Variants in JUP observed in about 807,000 individuals in gnomAD.
JUP encodes the protein junction plakoglobin.
A neutral mutation model predicts 71.1 loss-of-function variants in JUP; 28 were observed. The ratio of observed to expected loss-of-function variants is 0.39; its 90% CI spans 0.29 to 0.54. The LOEUF is 0.54. JUP is among the 20% of genes least tolerant of loss of function. JUP has a pLI of 0.62. For synonymous variants in JUP, 401 were observed against 438.9 expected (o/e 0.91, Z 1.08); for missense variants, 869 against 1,030.1 (o/e 0.84, Z 2.14).
intron 2 of JUP, among the ~76,000 whole-genome samples, chr17:41,771,167 C>T (rs1331887899): frequency 6.6e-6 from 1 of 152,144 alleles, no homozygotes; most frequent in Admixed American, 6.5e-5. Context: ...GTAGCTGGGA[C>T]TACAGGTGCA....
intron 1 of JUP, chr17:41,772,252 C>A (rs1916787507): frequency 2.9e-6 from 1 of 348,246 alleles, no homozygotes; most frequent in East Asian, 7.2e-5. Context: ...CTTCTAGCAG[C>A]TTCTGAGGTC....
chr17:41,771,908 C>A (rs1046475463), intron 1 of JUP, 46 bp from the exon 2 acceptor site: 7 of 1,490,512 alleles, frequency 4.7e-6, no homozygotes, highest in Non-Finnish European at 6.4e-6. Flanking sequence ...GTCACCTGGC[C>A]CAGCCCCCAG....
chr17:41,774,083 C>T (rs923608099), intron 1 of JUP, among the ~76,000 whole-genome samples: 4 of 152,054 alleles, frequency 2.6e-5, no homozygotes, highest in Middle Eastern at 3.2e-3. Flanking sequence ...CACCCCTTGC[C>T]GGCCTCACAT....
chr17:41,762,457 C>G lies in JUP; in HGVS notation c.1497+526G>C, dbSNP rs981413190. Among the ~76,000 whole-genome samples the G allele has an allele frequency of 3.3e-5, 5 of 152,098 alleles. 1 individual carries two copies. Among genetic ancestry groups the G allele is most frequent in the Admixed American group, 6.6e-5 (1 of 15,256 alleles). On this transcript the variant is annotated intron_variant, in intron 8 of 13. Coordinates refer to ENST00000393931, the MANE Select transcript of JUP (RefSeq NM_002230.4). The stretch of plus-strand genomic sequence containing the variant: ...CCAGGCTGGAGTGCACTGATGCAAT[C>G]ATAGCTCACTGTAACCTCCAACTCC...
intron 8 of JUP, among the ~76,000 whole-genome samples, chr17:41,759,094 A>G (rs1185920897): frequency 2.0e-4 from 25 of 127,516 alleles, no homozygotes; most frequent in Non-Finnish European, 4.9e-5. Context: ...TTTTTTTGAG[A>G]CAGAGTTTCG....
At chr17:41,781,368 AAG>A (rs1555610244) in intron 1 of JUP, among the ~76,000 whole-genome samples, 4 of 143,402 alleles carry the variant, frequency 2.8e-5, no homozygotes, top group Non-Finnish European at 1.5e-5. Context: ...AAAAAAAAAA[AAG>A]AAAGAAAGAA....
At chr17:41,772,072 AG>A (rs1916745271) in intron 1 of JUP, 1 of 651,490 alleles carries the variant, frequency 1.5e-6, no homozygotes, top group African/African-American at 1.8e-5. Flanking sequence ...GGGAGCAGTG[AG>A]CCCCAGGGGT....
intron 1 of JUP, chr17:41,773,023 T>G (rs1597839116): frequency 1.0e-6 from 1 of 983,430 alleles, no homozygotes; most frequent in South Asian, 4.7e-5. Flanking sequence ...TCAAAGCCCA[T>G]GCACTGGTCC....
chr17:41,774,921 T>C (rs1403943590), intron 1 of JUP, among the ~76,000 whole-genome samples: 2 of 151,790 alleles, frequency 1.3e-5, no homozygotes, highest in Admixed American at 1.3e-4. Context: ...GTCAACATGG[T>C]GAAATCCTGT....
At chr17:41,765,489 T>C (rs962567345) in intron 5 of JUP, among the ~76,000 whole-genome samples, 1 of 152,176 alleles carries the variant, frequency 6.6e-6, no homozygotes, top group African/African-American at 2.4e-5. Context: ...GTAGCTGGGA[T>C]TACAGGCGTG....
At chr17:41,779,480 A>G (rs1054909944) in intron 1 of JUP, among the ~76,000 whole-genome samples, 2 of 151,206 alleles carry the variant, frequency 1.3e-5, no homozygotes, top group Admixed American at 1.3e-4. Flanking sequence ...GGTGCCTGCC[A>G]CAACGCCCAG....
At chr17:41,757,267 T>C (rs1567800360) in intron 12 of JUP, 148 bp downstream of exon 12, 1 of 949,134 alleles carries the variant, frequency 1.1e-6, no homozygotes, top group Non-Finnish European at 1.7e-6. Flanking sequence ...AACCCACTAC[T>C]TCCATCTGCT....
At chr17:41,772,748 G>A in intron 1 of JUP, 2 of 945,630 alleles carry the variant, frequency 2.1e-6, no homozygotes, top group Non-Finnish European at 2.5e-6. Context: ...GGGATCTGGG[G>A]TGGGGCAGGC....
At chr17:41,764,539 A>G (rs1247226282) in intron 7 of JUP, among the ~76,000 whole-genome samples, 174 bp downstream of exon 7, 3 of 149,206 alleles carry the variant, frequency 2.0e-5, no homozygotes, top group African/African-American at 5.0e-5. Context: ...CGTCAGAAAA[A>G]AAAAAAAAAA....
At position 41,767,546 on chromosome 17, in the gene JUP, T is replaced by C; in HGVS notation, c.742A>G (p.Thr248Ala). The C allele has an allele frequency of 6.2e-7, 1 of 1,611,352 alleles. No homozygotes were observed. The highest frequency in any genetic ancestry group is 8.5e-7 in the Non-Finnish European group (1 of 1,179,480). The change falls in exon 5 of 14, where the codon ACC becomes GCC. Residue 248 changes from threonine to alanine, a missense_variant. Coordinates refer to ENST00000393931, the MANE Select transcript of JUP (RefSeq NM_002230.4). The part of the protein sequence containing the change: ...PVESVLFYAI[T>A]TLHNLLLYQE... The stretch of plus-strand genomic sequence containing the variant: ...TACAGGAGCAGGTTGTGCAGCGTGG[T>C]GATGGCATAGAACAGGACCGACTCC...
chr17:41,782,124 C>T (rs1281004333), intron 1 of JUP, among the ~76,000 whole-genome samples: 2 of 152,176 alleles, frequency 1.3e-5, no homozygotes, highest in Non-Finnish European at 2.9e-5. Context: ...ATTTCCCAGA[C>T]CCCAAATCCA....
In JUP at chr17:41,775,750, G is replaced by C. The variant is rs140488589; in HGVS notation, c.-8-3888C>G. Among the ~76,000 whole-genome samples, 207 of 152,332 alleles carry C rather than the reference G, an allele frequency of 1.4e-3. 2 individuals carry two copies. Among genetic ancestry groups the C allele is most frequent in the African/African-American group, 4.5e-3 (186 of 41,578 alleles). ...TGTAGGGACAGCCCAAGGACAGGAA[G>C]AAGGAAGACGGGCCCTGGAGAGGGG... On this transcript the variant is annotated intron_variant, in intron 1 of 13. Coordinates refer to ENST00000393931, the MANE Select transcript of JUP (RefSeq NM_002230.4).
chr17:41,784,946 C>G (rs1555611333), intron 1 of JUP: 1 of 151,816 alleles, frequency 6.6e-6, no homozygotes, highest in Non-Finnish European at 1.5e-5. Context: ...GGGGTACAAA[C>G]CCTGATCAAG....
intron 1 of JUP, chr17:41,772,795 T>C: frequency 2.0e-6 from 2 of 985,348 alleles, no homozygotes; most frequent in Non-Finnish European, 2.4e-6. Context: ...CCCCTCTCTC[T>C]CTCTGCAAAG....
Sources: allele counts gnomAD v4.1 joint callset (sites outside exome capture counted in the v4.1 genomes callset), GRCh38; gene constraint gnomAD v4.1.1; transcripts MANE v1.5; gene names NCBI Gene and HGNC (gene_info 2026-07-23, HGNC 2026-07-21).